XIST: variants seen among roughly 807,000 people sequenced by gnomAD.
XIST encodes X inactive specific transcript (non-protein coding).
At chrX:73,834,783 C>T (rs1922449593) in intron 2 of XIST, among the ~76,000 whole-genome samples, 2 of 91,166 alleles carry the variant, frequency 2.2e-5, no homozygotes, top group Admixed American at 2.8e-4. Context: ...GTCAGAAGTT[C>T]GAGACCAGCC....
exon 1 of XIST, chrX:73,849,806 C>T (rs778014147): frequency 8.5e-6 from 3 of 354,383 alleles, no homozygotes; most frequent in South Asian, 7.8e-5. Flanking sequence ...TCGAGAGAAG[C>T]TGGGCGGGAC....
chrX:73,826,283 G>C (rs1467176490), exon 6 of XIST: 2 of 558,898 alleles, frequency 3.6e-6, no homozygotes, highest in South Asian at 4.4e-5. Context: ...TATCTTCTCA[G>C]TCTAGGGCTT....
chrX:73,845,425 T>C, exon 1 of XIST: 2 of 555,180 alleles, frequency 3.6e-6, no homozygotes, highest in South Asian at 2.2e-5. Flanking sequence ...TGAGTGCCTA[T>C]GCTCACTTAC....
At chrX:73,852,256 A>G (rs765130826) in exon 1 of XIST, 33 of 538,997 alleles carry the variant, frequency 6.1e-5, no homozygotes, top group South Asian at 4.9e-4. Context: ...TGGGCTAAGG[A>G]AAAAAAAATA....
chrX:73,825,973 G>A (rs759969169), exon 6 of XIST: 8 of 557,214 alleles, frequency 1.4e-5, no homozygotes, highest in Admixed American at 4.5e-5. Flanking sequence ...CAGGAGTAGC[G>A]TTGGCACAGT....
chrX:73,825,822 T>C, exon 6 of XIST: 1 of 545,607 alleles, frequency 1.8e-6, no homozygotes, highest in Non-Finnish European at 3.3e-6. Flanking sequence ...TCTCTTATGT[T>C]TTACAGTGCT....
chrX:73,844,096 T>C (rs1440905060), exon 1 of XIST: 1 of 558,517 alleles, frequency 1.8e-6, no homozygotes, highest in Admixed American at 2.2e-5. Context: ...GCACCCACTA[T>C]TGAAAAGAGG....
At chrX:73,824,503 T>G (rs780805466) in exon 6 of XIST, 10 of 555,799 alleles carry the variant, frequency 1.8e-5, no homozygotes, top group Non-Finnish European at 2.9e-5. Flanking sequence ...TGAGTTCACA[T>G]AGTAGGCAAT....
At chrX:73,844,859 G>A (rs772895256) in exon 1 of XIST, 2 of 556,751 alleles carry the variant, frequency 3.6e-6, no homozygotes, top group South Asian at 4.5e-5. Context: ...ACTTAGAATT[G>A]TGCACCTTGA....
intron 3 of XIST, among the ~76,000 whole-genome samples, chrX:73,832,261 G>C (rs1051684285): frequency 9.1e-6 from 1 of 110,164 alleles, no homozygotes; most frequent in Non-Finnish European, 1.9e-5. Flanking sequence ...TTGAACCCAG[G>C]AGACAGAGGT....
At chrX:73,851,868 CAG>C (rs761425794) in exon 1 of XIST, 5 of 556,527 alleles carry the variant, frequency 9.0e-6, no homozygotes, top group East Asian at 3.3e-5. Flanking sequence ...AGCTTAACTG[CAG>C]AGTCATTCTC....
chrX:73,842,523 C>G (rs375265967), exon 1 of XIST: 5 of 558,164 alleles, frequency 9.0e-6, no homozygotes, highest in Non-Finnish European at 1.3e-5. Context: ...GAAGGCTTAT[C>G]CACCTAGTTC....
exon 1 of XIST, chrX:73,844,825 T>C (rs771462772): frequency 7.2e-6 from 4 of 556,605 alleles, no homozygotes; most frequent in Non-Finnish European, 1.3e-5. Flanking sequence ...CACACATTAT[T>C]GACCAAGGTG....
At position 73,828,785 on chromosome X, in the gene XIST, C is replaced by T. The variant is rs890583530; in HGVS notation, n.11916+283G>A. Reference sequence around the variant, plus strand: ...AGAAATGGTGTTTTAAGCTTCTCAACGTTTAAGGCTCTAAGAATGACAGAG... The same window carrying T: ...AGAAATGGTGTTTTAAGCTTCTCAATGTTTAAGGCTCTAAGAATGACAGAG... On this transcript the variant is annotated intron_variant and non_coding_transcript_variant, in intron 5 of 5. Coordinates refer to ENST00000429829, the Ensembl canonical transcript of XIST. 37 of 187,809 alleles carry T rather than the reference C, an allele frequency of 2.0e-4. 1 individual carries two copies. Among genetic ancestry groups the T allele is most frequent in the African/African-American group, 8.2e-4 (28 of 33,980 alleles). The allele number at this position is 187,809 out of a possible 1,213,427, so 15.5% of individuals were successfully genotyped here.
intron 3 of XIST, chrX:73,833,197 C>A (rs946139817): frequency 5.5e-6 from 3 of 547,574 alleles, no homozygotes; most frequent in Non-Finnish European, 9.9e-6. Context: ...GAAGTTCAAT[C>A]CAAAGACAGA....
At chrX:73,847,146 T>TA (rs1922791893) in exon 1 of XIST, 1 of 558,971 alleles carries the variant, frequency 1.8e-6, no homozygotes. Context: ...GTGGGGTCCT[T>TA]ACATGGTAAA....
At chrX:73,852,369 G>A (rs1484467746) in exon 1 of XIST, 1 of 547,225 alleles carries the variant, frequency 1.8e-6, no homozygotes, top group Admixed American at 2.3e-5. Flanking sequence ...CCAGGTATCC[G>A]CAGCCCCGAT....
Position 73,847,274 on chromosome X carries a change from T to C in XIST, n.5450A>G, listed in dbSNP as rs769287204. The C allele has an allele frequency of 1.1e-5, 6 of 553,483 alleles. No homozygotes were observed. The African/African-American group carries it at 1.1e-4, about 10-fold the overall frequency. The allele number at this position is 553,483 out of a possible 1,213,427, so 45.6% of individuals were successfully genotyped here. On this transcript the variant is annotated non_coding_transcript_exon_variant, in exon 1 of 6. Transcript: ENST00000429829. ...AAGGAAGCGGGATTCTACTCTAACA[T>C]AGGGGCACATCAACTACTGCTAATT...
At position 73,843,252 on chromosome X, in the gene XIST, A is replaced by G. The variant is rs766901100; in HGVS notation, n.9472T>C. On this transcript the variant is annotated non_coding_transcript_exon_variant, in exon 1 of 6. Coordinates refer to ENST00000429829, the Ensembl canonical transcript of XIST. ...CCCACTCTACCAGAAGGAGACATAT[A>G]TAATTGCAAATATTCACATTAACAG... is the stretch of plus-strand genomic sequence containing the variant. The G allele has an allele frequency of 8.9e-6, 5 of 558,796 alleles. No homozygotes were observed. In the Admixed American group the frequency reaches 1.1e-4, roughly 12 times the overall value. The allele number at this position is 558,796 out of a possible 1,213,427, so 46.1% of individuals were successfully genotyped here. A position where few individuals can be genotyped will look rare whatever the true frequency, so the allele number is the denominator to read the frequency against.
Sources: allele counts gnomAD v4.1 joint callset (sites outside exome capture counted in the v4.1 genomes callset), GRCh38; gene constraint gnomAD v4.1.1; transcripts MANE v1.5; gene names NCBI Gene and HGNC (gene_info 2026-07-23, HGNC 2026-07-21).